The following GRM8 variants were observed in gnomAD, a reference collection of about 807,000 sequenced individuals.
The protein encoded by GRM8 is glutamate metabotropic receptor 8, also known as metabotropic glutamate receptor 8.
Under a neutral mutation model 87.2 loss-of-function variants are expected in GRM8, and 47 were observed. The observed-to-expected ratio is 0.54, with a 90% CI of 0.43 to 0.69. The LOEUF (loss-of-function observed/expected upper bound fraction) is 0.69. Among genes scored for constraint, GRM8 ranks in the 30% least tolerant of loss-of-function variants. The pLI, the probability that GRM8 is intolerant of heterozygous loss-of-function variation, is 0.00. For missense variants in GRM8, 1,019 were observed against 1,139.2 expected (o/e 0.89, Z 1.52); for synonymous variants, 396 against 404.5 (o/e 0.98, Z 0.25).
rs113213638 is a variant in GRM8 at position 126,615,538 on chromosome 7, T to A, written c.1358-6040A>T. 2.0e-5 allele frequency among the ~76,000 whole-genome samples: 3 copies of A among 152,180 alleles called. No homozygotes were observed. In the East Asian group the frequency reaches 5.8e-4, roughly 29 times the overall value. ...CACATATAACAATATTAACCTTAAA[T>A]ATAAATGGGCTAAATGCTCCAATTA... On this transcript the variant is annotated intron_variant, in intron 7 of 10. Coordinates refer to ENST00000339582, the MANE Select transcript of GRM8 (RefSeq NM_000845.3).
At chr7:126,751,627 A>T (rs2151543606) in intron 7 of GRM8, among the ~76,000 whole-genome samples, 1 of 152,288 alleles carries the variant, frequency 6.6e-6, no homozygotes, top group South Asian at 2.1e-4. Context: ...ATACACACAA[A>T]AGAGGCAAAG....
chr7:126,585,554 A>G (rs1216135811), intron 8 of GRM8, among the ~76,000 whole-genome samples: 1 of 152,240 alleles, frequency 6.6e-6, no homozygotes, highest in African/African-American at 2.4e-5. Context: ...ATAATCCCGC[A>G]TATAAACAGA....
intron 3 of GRM8, among the ~76,000 whole-genome samples, chr7:127,075,123 G>T (rs1822122365): frequency 6.6e-6 from 1 of 152,136 alleles, no homozygotes; most frequent in African/African-American, 2.4e-5. Context: ...GATTTCTGTG[G>T]TAAGAAATGC....
chr7:126,932,726 T>C (rs769516627), intron 3 of GRM8, among the ~76,000 whole-genome samples: 78 of 152,234 alleles, frequency 5.1e-4, no homozygotes, highest in Non-Finnish European at 8.5e-4. Context: ...TCTTACAAAT[T>C]AGGATATGTG....
chr7:127,088,178 G>A (rs1030611554), intron 3 of GRM8, among the ~76,000 whole-genome samples: 1 of 152,202 alleles, frequency 6.6e-6, no homozygotes, highest in Non-Finnish European at 1.5e-5. Flanking sequence ...AGTCCTGTTA[G>A]GGAAGCCCTT....
intron 7 of GRM8, among the ~76,000 whole-genome samples, chr7:126,622,019 G>A (rs1052698447): frequency 6.6e-6 from 1 of 152,098 alleles, no homozygotes; most frequent in Non-Finnish European, 1.5e-5. Flanking sequence ...TCTGTCCAGT[G>A]AATTGCTCTA....
At chr7:126,534,598 T>G (rs1454323443) in intron 8 of GRM8, among the ~76,000 whole-genome samples, 1 of 152,210 alleles carries the variant, frequency 6.6e-6, no homozygotes, top group Non-Finnish European at 1.5e-5. Flanking sequence ...AAATGAGATT[T>G]TCCCCACTTT....
intron 7 of GRM8, among the ~76,000 whole-genome samples, chr7:126,678,419 A>G (rs1457787246): frequency 1.3e-5 from 2 of 152,154 alleles, no homozygotes; most frequent in East Asian, 1.9e-4. Flanking sequence ...TTTCATCCAT[A>G]AAAAAGCCAC....
intron 6 of GRM8, among the ~76,000 whole-genome samples, chr7:126,784,156 T>C (rs1820381870): frequency 6.6e-6 from 1 of 152,174 alleles, no homozygotes; most frequent in Admixed American, 6.6e-5. Flanking sequence ...AAGTGGAATT[T>C]TGGCCCAGTA....
intron 6 of GRM8, among the ~76,000 whole-genome samples, chr7:126,772,005 A>G (rs531175970): frequency 6.6e-6 from 1 of 152,262 alleles, no homozygotes; most frequent in South Asian, 2.1e-4. Flanking sequence ...AGAATCATTC[A>G]TCAAGTTTCC....
intron 2 of GRM8, among the ~76,000 whole-genome samples, chr7:127,142,008 G>A (rs2133271033): frequency 6.6e-6 from 1 of 152,002 alleles, no homozygotes; most frequent in Non-Finnish European, 1.5e-5. Context: ...TAAGAGACCG[G>A]GTCTTGGTCT....
chr7:126,845,049 C>T (rs1431688458), intron 6 of GRM8, among the ~76,000 whole-genome samples: 6 of 152,172 alleles, frequency 3.9e-5, no homozygotes, highest in African/African-American at 1.4e-4. Flanking sequence ...TCTACCTTAC[C>T]TTGCCCCTCT....
chr7:126,497,207 G>C (rs974420787), intron 9 of GRM8, among the ~76,000 whole-genome samples: 1 of 151,822 alleles, frequency 6.6e-6, no homozygotes, highest in African/African-American at 2.4e-5. Flanking sequence ...GATGATGGGG[G>C]CACACATGAG....
chr7:127,081,635 C>G (rs1187423523), intron 3 of GRM8, among the ~76,000 whole-genome samples: 2 of 151,924 alleles, frequency 1.3e-5, no homozygotes, highest in Non-Finnish European at 2.9e-5. Context: ...AGGGAGGAGG[C>G]AGAGGGAAAA....
chr7:126,986,719 C>T (rs1812109678), intron 3 of GRM8, among the ~76,000 whole-genome samples: 1 of 152,132 alleles, frequency 6.6e-6, no homozygotes, highest in Non-Finnish European at 1.5e-5. Flanking sequence ...TTTCCCAACA[C>T]CATTTAACAT....
chr7:126,738,170 A>T (rs1814451387), intron 7 of GRM8, among the ~76,000 whole-genome samples: 1 of 152,124 alleles, frequency 6.6e-6, no homozygotes. Flanking sequence ...AAAGACAATA[A>T]GAACCTTTTC....
intron 6 of GRM8, among the ~76,000 whole-genome samples, chr7:126,852,347 G>A (rs1178645126): frequency 6.6e-6 from 1 of 152,140 alleles, no homozygotes; most frequent in African/African-American, 2.4e-5. Context: ...TTAGACAAAA[G>A]CTTAGCTAGG....
At chr7:127,206,006 G>A (rs192673945) in intron 2 of GRM8, among the ~76,000 whole-genome samples, 2 of 152,186 alleles carry the variant, frequency 1.3e-5, no homozygotes, top group African/African-American at 4.8e-5. Context: ...CTTGGACTCC[G>A]TTAGGAAGCC....
chr7:127,029,282 C>A (rs545816209), intron 3 of GRM8, among the ~76,000 whole-genome samples: 3 of 152,014 alleles, frequency 2.0e-5, no homozygotes, highest in Non-Finnish European at 4.4e-5. Context: ...AGAATAAGTG[C>A]AATGTGGTGC....
Sources: gnomAD v4.1 joint callset for allele counts (sites outside exome capture counted in the v4.1 genomes callset) on GRCh38, gnomAD v4.1.1 for gene constraint, MANE v1.5 for transcripts, NCBI Gene and HGNC (gene_info 2026-07-23, HGNC 2026-07-21) for gene names.